GDAP1L1: variants seen among roughly 807,000 people sequenced by gnomAD.
The protein encoded by GDAP1L1 is ganglioside-induced differentiation-associated protein 1-like 1.
GDAP1L1 carries 21 observed loss-of-function variants against 37.1 expected under a neutral mutation model. That is an observed-to-expected ratio of 0.57 (90% CI 0.40 to 0.81). The LOEUF is 0.81. GDAP1L1 is among the 40% of genes least tolerant of loss of function. The pLI is 0.00. For synonymous variants in GDAP1L1, 193 were observed against 209.1 expected, an observed-to-expected ratio of 0.92 and a Z score of 0.67; for missense variants, 362 against 491.6, an observed-to-expected ratio of 0.74 and a Z score of 2.49.
At position 44,264,883 on chromosome 20, in the gene GDAP1L1, G is replaced by A. The variant is rs1156238156; in HGVS notation, c.760+324G>A. 9.3e-6 allele frequency: 10 copies of A among 1,076,334 alleles called. No homozygotes were observed. The Admixed American group carries it at 4.6e-4, about 49-fold the overall frequency. The allele number at this position is 1,076,334 out of a possible 1,614,324, so 66.7% of individuals were successfully genotyped here. On this transcript the variant is annotated intron_variant, in intron 5 of 5. Transcript: ENST00000342560. ...TAGATCAGGGCTTAGCACACAGTAG[G>A]TGTTTAATAAAGGTAGGTGAAGATG...
chr20:44,251,672 G>A (rs2073446091), intron 1 of GDAP1L1, among the ~76,000 whole-genome samples: 1 of 152,214 alleles, frequency 6.6e-6, no homozygotes, highest in Non-Finnish European at 1.5e-5. Context: ...GAAGCCTGCA[G>A]TGGCTCCCCA....
chr20:44,269,746 A>G (rs893233992), intron 5 of GDAP1L1, among the ~76,000 whole-genome samples: 12 of 152,206 alleles, frequency 7.9e-5, no homozygotes, highest in African/African-American at 2.7e-4. Flanking sequence ...CCTGGCTAAC[A>G]CAGTGAAACC....
At chr20:44,273,430 A>T (rs1051969196) in intron 5 of GDAP1L1, among the ~76,000 whole-genome samples, 2 of 152,002 alleles carry the variant, frequency 1.3e-5, no homozygotes, top group Admixed American at 6.5e-5. Context: ...GCAGCTGGGG[A>T]CTTACGTCAC....
chr20:44,260,295 A>AAAC, intron 3 of GDAP1L1, among the ~76,000 whole-genome samples: 1 of 151,842 alleles, frequency 6.6e-6, no homozygotes, highest in African/African-American at 2.4e-5. Flanking sequence ...CAAAAAAAAA[A>AAAC]AAACAACATC....
chr20:44,270,625 G>A (rs900830442), intron 5 of GDAP1L1, among the ~76,000 whole-genome samples: 2 of 152,152 alleles, frequency 1.3e-5, no homozygotes, highest in Non-Finnish European at 2.9e-5. Context: ...GCTTGACTGG[G>A]GCCGGAGGAT....
At chr20:44,276,410 G>T (rs562763656) in intron 5 of GDAP1L1, among the ~76,000 whole-genome samples, 6 of 24,910 alleles carry the variant, frequency 2.4e-4, no homozygotes, top group Admixed American at 4.5e-4. Flanking sequence ...AAAGAAAAAA[G>T]AAAAAGAAAG....
chr20:44,257,509 G>A (rs2073581597), intron 2 of GDAP1L1, among the ~76,000 whole-genome samples, 164 bp downstream of exon 2: 1 of 152,054 alleles, frequency 6.6e-6, no homozygotes, highest in African/African-American at 2.4e-5. Context: ...CACAGGCAGG[G>A]TTCAGATGCC....
intron 5 of GDAP1L1, among the ~76,000 whole-genome samples, chr20:44,278,254 T>C (rs1314484019): frequency 6.6e-6 from 1 of 151,512 alleles, no homozygotes; most frequent in Non-Finnish European, 1.5e-5. Context: ...ATTACTGAGA[T>C]GGGGATGAGC....
chr20:44,250,788 G>T (rs1458542214), intron 1 of GDAP1L1, among the ~76,000 whole-genome samples: 4 of 152,132 alleles, frequency 2.6e-5, no homozygotes, highest in Admixed American at 6.6e-5. Context: ...CCTGCCCCCA[G>T]CCTCCTCCTC....
intron 3 of GDAP1L1, 116 bp from the exon 4 acceptor site, chr20:44,263,114 C>T: frequency 1.3e-6 from 1 of 780,548 alleles, no homozygotes; most frequent in Non-Finnish European, 2.3e-6. Flanking sequence ...TGGCTGTCGA[C>T]AGTATTACTC....
Position 44,257,083 on chromosome 20 carries a change from C to G in GDAP1L1, c.181-70C>G, listed in dbSNP as rs566470805. 3.4e-6 allele frequency: 5 copies of G among 1,463,510 alleles called. No homozygotes were observed. The African/African-American group carries it at 7.0e-5, about 20-fold the overall frequency. The allele number at this position is 1,463,510 out of a possible 1,614,324, so 90.7% of individuals were successfully genotyped here. A position where few individuals can be genotyped will look rare whatever the true frequency, so the allele number is the denominator to read the frequency against. On this transcript the variant is annotated intron_variant, in intron 1 of 5. Coordinates refer to ENST00000342560, the MANE Select transcript of GDAP1L1 (RefSeq NM_024034.6). ...ACCTCTGACCTCCCTCCCCGCACAC[C>G]CCCGCCCCACCTGGGCAGAGTGTCC...
chr20:44,252,658 A>G (rs765996351), intron 1 of GDAP1L1, among the ~76,000 whole-genome samples: 3 of 151,962 alleles, frequency 2.0e-5, no homozygotes, highest in Non-Finnish European at 2.9e-5. Flanking sequence ...ACAAACAAAC[A>G]AACAAAAAAC....
chr20:44,264,964 G>A lies in GDAP1L1; in HGVS notation c.760+405G>A, dbSNP rs62205979. On this transcript the variant is annotated intron_variant, in intron 5 of 5. Transcript: ENST00000342560. The stretch of plus-strand genomic sequence containing the variant: ...TTAGGGCCAGAACTTGTTCCCTCTC[G>A]ATGGGTCCAGTGTTGTTTCCAGCAT... The A allele has an allele frequency of 8.1e-3, 7,971 of 985,268 alleles. 53 individuals are homozygous for A. Among genetic ancestry groups the A allele is most frequent in the East Asian group, 0.051 (449 of 8,800 alleles). 61.0% of individuals were successfully genotyped at this position (985,268 alleles called of 1,614,324 possible).
chr20:44,264,844 A>C, intron 5 of GDAP1L1: 1 of 1,157,180 alleles, frequency 8.6e-7, no homozygotes, highest in South Asian at 1.8e-5. Context: ...GTGAAATAAT[A>C]CACGTAGAGT....
Position 44,279,329 on chromosome 20 carries a change from G to A in GDAP1L1, c.*29G>A, listed in dbSNP as rs373706129. The A allele has an allele frequency of 2.1e-6, 3 of 1,416,326 alleles. No individual in the cohort carries two copies. The highest frequency in any genetic ancestry group is 1.4e-5 in the African/African-American group (1 of 71,042). 87.7% of individuals were successfully genotyped at this position (1,416,326 alleles called of 1,614,324 possible). ...CAGGCCTGGGGCTTGGTGTCTGACT[G>A]TCGGTGTCTCTGTGCTGTGTGATTC... is the stretch of plus-strand genomic sequence containing the variant. On this transcript the variant is annotated 3_prime_UTR_variant, in exon 6 of 6. Transcript: ENST00000342560.
At chr20:44,254,315 TCACA>T (rs770558633) in intron 1 of GDAP1L1, among the ~76,000 whole-genome samples, 1 of 151,910 alleles carries the variant, frequency 6.6e-6, no homozygotes, top group African/African-American at 2.4e-5. Flanking sequence ...ACACCCACAC[TCACA>T]CACACGCAGA....
At chr20:44,258,892 C>T (rs1212162047) in intron 3 of GDAP1L1, among the ~76,000 whole-genome samples, 2 of 152,082 alleles carry the variant, frequency 1.3e-5, no homozygotes, top group Non-Finnish European at 2.9e-5. Flanking sequence ...CACCCAGTTT[C>T]TAACAGAATA....
chr20:44,276,412 A>AGAAAGAAAGAAAG (rs1486592312), intron 5 of GDAP1L1, among the ~76,000 whole-genome samples: 3 of 113,308 alleles, frequency 2.6e-5, no homozygotes, highest in Non-Finnish European at 5.3e-5. Context: ...AGAAAAAAGA[A>AGAAAGAAAGAAAG]AAAGAAAGAA....
chr20:44,277,492 C>T (rs914934484), intron 5 of GDAP1L1, among the ~76,000 whole-genome samples: 2 of 152,158 alleles, frequency 1.3e-5, no homozygotes, highest in African/African-American at 4.8e-5. Flanking sequence ...GAAGCAGACT[C>T]TGAGGTCTGA....
Sources: allele counts gnomAD v4.1 joint callset (sites outside exome capture counted in the v4.1 genomes callset), GRCh38; gene constraint gnomAD v4.1.1; transcripts MANE v1.5; gene names NCBI Gene and HGNC (gene_info 2026-07-23, HGNC 2026-07-21).